TRHDE: variants seen among roughly 807,000 people sequenced by gnomAD.
TRHDE encodes the protein thyrotropin releasing hormone degrading enzyme.
In TRHDE, 72 loss-of-function variants were observed where a neutral mutation model predicts 125.7. The ratio of observed to expected loss-of-function variants is 0.57; its 90% CI spans 0.47 to 0.70. The LOEUF (loss-of-function observed/expected upper bound fraction) is 0.70, where lower values mean the gene tolerates loss of function less well. TRHDE is among the 30% of genes least tolerant of loss of function. TRHDE has a pLI of 0.00. For missense variants in TRHDE, 1,110 were observed against 1,327.1 expected (o/e 0.84, Z 2.54); for synonymous variants, 509 against 509.1 (o/e 1.00, Z 0.00).
Position 72,412,556 on chromosome 12 carries a change from A to G in TRHDE, c.1315+34435A>G, listed in dbSNP as rs73342701. ...CCTATGATCCAGCAAGTTCATTCCTAAGTGTACTCTTGAGATACTCTTGGG... is the reference window on the plus strand; with the variant it reads ...CCTATGATCCAGCAAGTTCATTCCTGAGTGTACTCTTGAGATACTCTTGGG... On this transcript the variant is annotated intron_variant, in intron 3 of 18. Transcript: ENST00000261180. Among the ~76,000 whole-genome samples the G allele has an allele frequency of 2.7e-3, 411 of 152,186 alleles. 2 individuals carry two copies. The highest frequency in any genetic ancestry group is 9.6e-3 in the African/African-American group (400 of 41,540).
At chr12:72,200,199 C>A (rs1044865797) in intron 2 of TRHDE, among the ~76,000 whole-genome samples, 4 of 152,122 alleles carry the variant, frequency 2.6e-5, no homozygotes, top group Admixed American at 1.3e-4. Flanking sequence ...CAGTCGCAAT[C>A]CATTAAGCTG....
At chr12:72,422,307 G>A (rs547525662) in intron 3 of TRHDE, among the ~76,000 whole-genome samples, 4 of 152,196 alleles carry the variant, frequency 2.6e-5, no homozygotes, top group Admixed American at 1.3e-4. Flanking sequence ...AAGGGGTAAC[G>A]TTTATTACAA....
intron 2 of TRHDE, among the ~76,000 whole-genome samples, chr12:72,153,004 C>T (rs1157063320): frequency 3.3e-5 from 5 of 152,216 alleles, no homozygotes; most frequent in East Asian, 1.9e-4. Context: ...TGGTAGAATT[C>T]GGCTGTGAAT....
intron 2 of TRHDE, among the ~76,000 whole-genome samples, chr12:72,190,098 G>A (rs1464994391): frequency 1.3e-5 from 2 of 152,202 alleles, no homozygotes; most frequent in Non-Finnish European, 2.9e-5. Context: ...TGACCAGAGT[G>A]TTTTTTGCCT....
At chr12:72,156,578 T>C (rs1474700914) in intron 2 of TRHDE, among the ~76,000 whole-genome samples, 3 of 152,124 alleles carry the variant, frequency 2.0e-5, no homozygotes, top group African/African-American at 7.2e-5. Context: ...AGAGAGAGTG[T>C]TAGAAAAATA....
intron 3 of TRHDE, among the ~76,000 whole-genome samples, chr12:72,433,176 G>T (rs12228346): frequency 0.12 from 18,532 of 151,914 alleles, 1,577 homozygotes; most frequent in East Asian, 0.48. Flanking sequence ...TAATCATTTT[G>T]ATTTGTTTCA....
chr12:72,402,016 T>A (rs1164491094), intron 3 of TRHDE, among the ~76,000 whole-genome samples: 1 of 152,150 alleles, frequency 6.6e-6, no homozygotes, highest in African/African-American at 2.4e-5. Flanking sequence ...TAACAAGTCT[T>A]TATTAGTTTT....
chr12:72,313,275 G>T (rs1366221496), intron 2 of TRHDE, among the ~76,000 whole-genome samples: 1 of 151,770 alleles, frequency 6.6e-6, no homozygotes, highest in South Asian at 2.1e-4. Context: ...ATTCATACAA[G>T]TTTTTTTATA....
At chr12:72,300,566 G>T (rs1248942798) in intron 2 of TRHDE, among the ~76,000 whole-genome samples, 3 of 151,804 alleles carry the variant, frequency 2.0e-5, no homozygotes, top group African/African-American at 7.3e-5. Flanking sequence ...ATATGTGTGT[G>T]TGTGTGCACG....
At chr12:72,654,074 C>T (rs994199765) in intron 17 of TRHDE, among the ~76,000 whole-genome samples, 7 of 151,930 alleles carry the variant, frequency 4.6e-5, no homozygotes, top group South Asian at 2.1e-4. Flanking sequence ...AATAGTTGGA[C>T]GATTAAAGCT....
intron 2 of TRHDE, among the ~76,000 whole-genome samples, chr12:72,287,577 GACAC>G (rs10606890): frequency 1.7e-3 from 257 of 147,738 alleles, no homozygotes; most frequent in East Asian, 6.8e-3. Flanking sequence ...TCTATGTATA[GACAC>G]ACACACACAC....
intron 2 of TRHDE, among the ~76,000 whole-genome samples, chr12:72,234,343 A>G (rs537652299): frequency 1.3e-5 from 2 of 152,264 alleles, no homozygotes; most frequent in East Asian, 3.9e-4. Context: ...AATTTTCCTG[A>G]TTTATAGCAA....
intron 3 of TRHDE, among the ~76,000 whole-genome samples, chr12:72,383,081 G>A (rs763451123): frequency 6.6e-6 from 1 of 152,184 alleles, no homozygotes; most frequent in African/African-American, 2.4e-5. Flanking sequence ...ATCTCTAAAT[G>A]AGGTAATTAA....
chr12:72,552,165 A>G (rs1446592268), intron 7 of TRHDE, among the ~76,000 whole-genome samples: 2 of 152,146 alleles, frequency 1.3e-5, no homozygotes, highest in East Asian at 3.9e-4. Context: ...CTCTATTTAC[A>G]TACAGAACAG....
intron 2 of TRHDE, among the ~76,000 whole-genome samples, chr12:72,347,129 T>C (rs1870360781): frequency 6.6e-6 from 1 of 152,128 alleles, no homozygotes; most frequent in Admixed American, 6.6e-5. Flanking sequence ...TTTCCAAATG[T>C]GGCATATTTC....
intron 12 of TRHDE, 21 bp from the exon 13 acceptor site, chr12:72,618,870 T>A: frequency 7.6e-6 from 1 of 131,162 alleles, no homozygotes. Context: ...ATCATGTATC[T>A]TTTTTTTTTT....
intron 15 of TRHDE, among the ~76,000 whole-genome samples, chr12:72,625,230 G>A (rs772369549): frequency 1.3e-5 from 2 of 151,786 alleles, no homozygotes; most frequent in African/African-American, 2.4e-5. Context: ...TCATAATAAT[G>A]TATTTAAATA....
chr12:72,598,609 C>T (rs115177993), intron 12 of TRHDE, among the ~76,000 whole-genome samples: 108 of 152,154 alleles, frequency 7.1e-4, no homozygotes, highest in African/African-American at 2.5e-3. Context: ...TTACAAATAG[C>T]GATAAATGGA....
At chr12:72,325,113 G>A (rs1869279547) in intron 2 of TRHDE, among the ~76,000 whole-genome samples, 4 of 151,708 alleles carry the variant, frequency 2.6e-5, no homozygotes, top group Admixed American at 2.6e-4. Flanking sequence ...AATGAAACTC[G>A]GTGGAACTCT....
Sources: allele counts gnomAD v4.1 joint callset (sites outside exome capture counted in the v4.1 genomes callset), GRCh38; gene constraint gnomAD v4.1.1; transcripts MANE v1.5; gene names NCBI Gene and HGNC (gene_info 2026-07-23, HGNC 2026-07-21).